C18orf54: variants seen among roughly 807,000 people sequenced by gnomAD.
C18orf54 encodes lung adenoma susceptibility protein 2.
In C18orf54, 49 loss-of-function variants were observed where a neutral mutation model predicts 49.3. The observed-to-expected ratio is 0.99, with a 90% CI of 0.79 to 1.26. C18orf54 has a LOEUF of 1.26. C18orf54 is among the 50% of genes most tolerant of loss of function. The pLI, the probability that C18orf54 is intolerant of heterozygous loss-of-function variation, is 0.00. For missense variants in C18orf54, 687 were observed against 620.6 expected, an observed-to-expected ratio of 1.11 and a Z score of -1.14; for synonymous variants, 211 against 216.6, an observed-to-expected ratio of 0.97 and a Z score of 0.23.
intron 5 of C18orf54, among the ~76,000 whole-genome samples, chr18:54,364,151 T>TC (rs1419031600): frequency 6.6e-6 from 1 of 151,682 alleles, no homozygotes. Context: ...ATACATATTT[T>TC]TTTTAAACTT....
intron 3 of C18orf54, 100 bp from the exon 4 acceptor site, chr18:54,361,543 G>C: frequency 9.5e-7 from 1 of 1,054,034 alleles, no homozygotes; most frequent in Non-Finnish European, 1.3e-6. Context: ...GAGGATAAGG[G>C]GAAAGCAGCA....
intron 2 of C18orf54, among the ~76,000 whole-genome samples, 159 bp downstream of exon 2, chr18:54,359,029 C>T (rs2144711529): frequency 6.6e-6 from 1 of 152,216 alleles, no homozygotes; most frequent in South Asian, 2.1e-4. Flanking sequence ...GTTTATTGAA[C>T]GATTCTACTT....
At chr18:54,367,348 A>C (rs577558770) in intron 6 of C18orf54, among the ~76,000 whole-genome samples, 1 of 151,792 alleles carries the variant, frequency 6.6e-6, no homozygotes, top group Non-Finnish European at 1.5e-5. Context: ...ATGTGTTTTC[A>C]TGATGGTGCT....
At position 54,360,598 on chromosome 18, in the gene C18orf54, G is replaced by T. The variant is rs780701874; in HGVS notation, c.26G>T (p.Arg9Ile). The stretch of plus-strand genomic sequence containing the variant: ...ATGGCGAAATCAAAGACAAAACATA[G>T]ACTTTGTTCTCAGGAATCTTCAGTA... MAKSKTKHRLCSQESSVSA... is the reference protein window; with the variant it reads MAKSKTKHILCSQESSVSA... Residue 9 changes from arginine to isoleucine, a missense_variant, in exon 3 of 9, where the codon AGA becomes ATA. Coordinates refer to ENST00000620105, the MANE Select transcript of C18orf54 (RefSeq NM_001288980.2). The T allele has an allele frequency of 1.9e-6, 3 of 1,614,026 alleles. No homozygotes were observed. Among genetic ancestry groups the T allele is most frequent in the East Asian group, 2.2e-5 (1 of 44,882 alleles).
Position 54,382,008 on chromosome 18 carries a change from A to G in C18orf54, c.*3762A>G, listed in dbSNP as rs970675333. 5.3e-5 allele frequency: 8 copies of G among 152,242 alleles called. No homozygotes were observed. Among genetic ancestry groups the G allele is most frequent in the Non-Finnish European group, 2.9e-5 (2 of 68,040 alleles). 9.4% of individuals were successfully genotyped at this position (152,242 alleles called of 1,614,324 possible). On this transcript the variant is annotated 3_prime_UTR_variant, in exon 9 of 9. Coordinates refer to ENST00000620105, the MANE Select transcript of C18orf54 (RefSeq NM_001288980.2). ...TTTCCTATATAAAGTTGTAAGTTCA[A>G]GATAAAGAGACCACATTCTTTACTC...
chr18:54,374,324 G>C, intron 8 of C18orf54, 40 bp downstream of exon 8: 1 of 1,519,086 alleles, frequency 6.6e-7, no homozygotes, highest in Non-Finnish European at 8.8e-7. Flanking sequence ...ATCCATCTTA[G>C]CCATTTCTTT....
intron 3 of C18orf54, among the ~76,000 whole-genome samples, 169 bp downstream of exon 3, chr18:54,361,024 A>G (rs2089259078): frequency 1.3e-5 from 2 of 152,226 alleles, no homozygotes; most frequent in South Asian, 4.1e-4. Flanking sequence ...TCTGTGGAAC[A>G]GTAATATTCA....
chr18:54,376,801 T>C (rs1054415892), intron 8 of C18orf54, among the ~76,000 whole-genome samples: 11 of 152,240 alleles, frequency 7.2e-5, no homozygotes, highest in Admixed American at 3.9e-4. Context: ...ATCCAAGAAG[T>C]GTATAGTACA....
At position 54,357,932 on chromosome 18, in the gene C18orf54, G is replaced by A. The variant is rs192475779; in HGVS notation, c.-287G>A. On this transcript the variant is annotated 5_prime_UTR_variant, in exon 1 of 9. Transcript: ENST00000620105. ...CCATGTTGGGGCGGTTTGAAAGCGA[G>A]CGCGGGTGTCGAGCTCTGCTGTGAC... 7.4e-4 allele frequency: 113 copies of A among 152,452 alleles called. No individual in the cohort carries two copies. Among genetic ancestry groups the A allele is most frequent in the African/African-American group, 2.6e-3 (110 of 41,580 alleles). The allele number at this position is 152,452 out of a possible 1,614,324, so 9.4% of individuals were successfully genotyped here. A position where few individuals can be genotyped will look rare whatever the true frequency, so the allele number is the denominator to read the frequency against.
At chr18:54,362,709 AT>A in intron 4 of C18orf54, 61 bp from the exon 5 acceptor site, 1 of 1,416,166 alleles carries the variant, frequency 7.1e-7, no homozygotes. Flanking sequence ...ACTTTGTGAG[AT>A]TTTGCTATGC....
Position 54,360,683 on chromosome 18 carries a change from G to A in C18orf54, c.111G>A (p.Ser37=), listed in dbSNP as rs114831324. ...GTAATTCCTCTAATTCTGATGGCTCGTTTCACTATAAAGATAAGCTGTACA... is the reference window on the plus strand; with the variant it reads ...GTAATTCCTCTAATTCTGATGGCTCATTTCACTATAAAGATAAGCTGTACA... ...SGSNSSNSDG[S]FHYKDKLYRS... is the part of the protein sequence containing the mutation. Residue 37 remains serine (S), a synonymous_variant, in exon 3 of 9, where the codon TCG becomes TCA. Transcript: ENST00000620105. 3.4e-4 allele frequency: 542 copies of A among 1,614,014 alleles called. No individual in the cohort carries two copies. In the African/African-American group the frequency reaches 6.5e-3, roughly 19 times the overall value.
intron 6 of C18orf54, among the ~76,000 whole-genome samples, chr18:54,371,694 C>A (rs1237878706): frequency 3.9e-5 from 6 of 152,100 alleles, no homozygotes; most frequent in Admixed American, 1.3e-4. Context: ...TTATGCTAAT[C>A]AACAACTTTC....
intron 6 of C18orf54, among the ~76,000 whole-genome samples, chr18:54,367,202 A>G (rs986861234): frequency 3.3e-5 from 5 of 152,084 alleles, no homozygotes; most frequent in Non-Finnish European, 7.4e-5. Flanking sequence ...CATTTTGTTT[A>G]CTGTACTCTG....
chr18:54,366,648 A>G (rs1394282998), intron 6 of C18orf54, among the ~76,000 whole-genome samples: 1 of 151,948 alleles, frequency 6.6e-6, no homozygotes, highest in Non-Finnish European at 1.5e-5. Flanking sequence ...TTTCCTTTGG[A>G]TATATACCCA....
At chr18:54,377,582 A>G (rs1030337676) in intron 8 of C18orf54, among the ~76,000 whole-genome samples, 4 of 152,192 alleles carry the variant, frequency 2.6e-5, no homozygotes, top group African/African-American at 9.7e-5. Flanking sequence ...GAGACCTGCA[A>G]TACAATCTTG....
chr18:54,373,995 A>G (rs1052413405), intron 7 of C18orf54, among the ~76,000 whole-genome samples: 1 of 151,918 alleles, frequency 6.6e-6, no homozygotes, highest in Non-Finnish European at 1.5e-5. Context: ...TTTAATGGAC[A>G]TATGTGTAGA....
intron 5 of C18orf54, among the ~76,000 whole-genome samples, chr18:54,363,720 C>T (rs547023877): frequency 1.3e-5 from 2 of 152,238 alleles, no homozygotes; most frequent in Admixed American, 1.3e-4. Flanking sequence ...TTATTGCTAA[C>T]CCCATATCAT....
chr18:54,363,044 T>C, intron 5 of C18orf54, 123 bp downstream of exon 5: 1 of 955,592 alleles, frequency 1.0e-6, no homozygotes, highest in Non-Finnish European at 1.5e-6. Context: ...CATAGCTTTG[T>C]GTTACTTGCT....
chr18:54,370,048 G>A (rs1599341624), intron 6 of C18orf54, among the ~76,000 whole-genome samples: 1 of 152,088 alleles, frequency 6.6e-6, no homozygotes, highest in Non-Finnish European at 1.5e-5. Context: ...AGGCCGAGGC[G>A]AGCGGATCAC....
Sources: allele counts gnomAD v4.1 joint callset (sites outside exome capture counted in the v4.1 genomes callset), GRCh38; gene constraint gnomAD v4.1.1; transcripts MANE v1.5; gene names NCBI Gene and HGNC (gene_info 2026-07-23, HGNC 2026-07-21).